The following SLC35F4 variants were observed in gnomAD, a reference collection of about 807,000 sequenced individuals.
The protein encoded by SLC35F4 is chromosome 14 open reading frame 36.
In SLC35F4, 24 loss-of-function variants were observed where a neutral mutation model predicts 44.2. The observed-to-expected ratio is 0.54, with a 90% CI of 0.39 to 0.76. The LOEUF (loss-of-function observed/expected upper bound fraction) is 0.76, where lower values mean the gene tolerates loss of function less well. SLC35F4 is among the 30% of genes least tolerant of loss of function. SLC35F4 has a pLI of 0.00. For synonymous variants in SLC35F4, 238 were observed against 223.6 expected, an observed-to-expected ratio of 1.06 and a Z score of -0.57; for missense variants, 562 against 586.1, an observed-to-expected ratio of 0.96 and a Z score of 0.42.
intron 1 of SLC35F4, among the ~76,000 whole-genome samples, chr14:57,688,515 T>C (rs994862374): frequency 6.6e-6 from 1 of 152,196 alleles, no homozygotes; most frequent in Admixed American, 6.5e-5. Context: ...ACAGGGATAA[T>C]AACAGAATAC....
intron 1 of SLC35F4, among the ~76,000 whole-genome samples, chr14:57,701,909 T>C (rs372747807): frequency 2.0e-5 from 3 of 152,090 alleles, no homozygotes; most frequent in East Asian, 3.9e-4. Flanking sequence ...ACTGTGAAAA[T>C]AGAAATTGTG....
intron 1 of SLC35F4, among the ~76,000 whole-genome samples, chr14:57,803,118 T>C (rs2078231170): frequency 6.6e-6 from 1 of 152,118 alleles, no homozygotes; most frequent in Admixed American, 6.5e-5. Flanking sequence ...GATCAAGTTG[T>C]CTTCATCCCC....
intron 1 of SLC35F4, among the ~76,000 whole-genome samples, chr14:57,615,709 A>G (rs891032284): frequency 6.6e-6 from 1 of 152,158 alleles, no homozygotes; most frequent in African/African-American, 2.4e-5. Flanking sequence ...TATGTGATAA[A>G]TTAAACTTAT....
intron 1 of SLC35F4, among the ~76,000 whole-genome samples, chr14:57,673,112 A>C (rs1404923479): frequency 6.6e-6 from 1 of 152,158 alleles, no homozygotes; most frequent in Non-Finnish European, 1.5e-5. Flanking sequence ...TGAATTACTA[A>C]ATTATATGAA....
At chr14:57,810,660 C>G (rs893164344) in intron 1 of SLC35F4, among the ~76,000 whole-genome samples, 3 of 152,178 alleles carry the variant, frequency 2.0e-5, no homozygotes, top group African/African-American at 7.2e-5. Flanking sequence ...GCTGTATAGC[C>G]CCTTCTTTGA....
At chr14:57,932,112 C>A (rs912677098) in intron 1 of SLC35F4, among the ~76,000 whole-genome samples, 2 of 152,150 alleles carry the variant, frequency 1.3e-5, no homozygotes, top group African/African-American at 2.4e-5. Flanking sequence ...CTTATAATAC[C>A]TTCCCCCAGT....
At chr14:57,881,058 T>C (rs570978007) in intron 1 of SLC35F4, among the ~76,000 whole-genome samples, 4 of 152,290 alleles carry the variant, frequency 2.6e-5, no homozygotes, top group African/African-American at 9.6e-5. Context: ...ATTATTCTCA[T>C]GATATCCCTG....
chr14:57,694,167 G>A (rs1045463719), intron 1 of SLC35F4, among the ~76,000 whole-genome samples: 9 of 152,132 alleles, frequency 5.9e-5, no homozygotes, highest in Non-Finnish European at 1.3e-4. Flanking sequence ...ATACCCTCTT[G>A]AAATCCTACC....
At chr14:57,685,005 T>C (rs561143534) in intron 1 of SLC35F4, among the ~76,000 whole-genome samples, 1 of 152,316 alleles carries the variant, frequency 6.6e-6, no homozygotes, top group Admixed American at 6.5e-5. Flanking sequence ...ATCAGAATAC[T>C]GGGAAAAGTC....
intron 1 of SLC35F4, among the ~76,000 whole-genome samples, chr14:57,687,948 T>C (rs1370570327): frequency 6.6e-6 from 1 of 152,222 alleles, no homozygotes; most frequent in Non-Finnish European, 1.5e-5. Flanking sequence ...AGATGAATTG[T>C]CACACTGCAA....
intron 1 of SLC35F4, among the ~76,000 whole-genome samples, chr14:57,844,377 G>A (rs558981518): frequency 1.2e-4 from 18 of 152,298 alleles, no homozygotes; most frequent in African/African-American, 3.4e-4. Context: ...CAATGGGGTC[G>A]ATGTTGAAGC....
intron 1 of SLC35F4, among the ~76,000 whole-genome samples, chr14:57,796,017 A>G (rs2078046355): frequency 6.6e-6 from 1 of 152,240 alleles, no homozygotes; most frequent in East Asian, 1.9e-4. Context: ...CTCAATGTTT[A>G]GCTCCCACTT....
At chr14:57,863,681 G>C (rs1003577025) in intron 1 of SLC35F4, among the ~76,000 whole-genome samples, 6 of 152,126 alleles carry the variant, frequency 3.9e-5, no homozygotes, top group African/African-American at 1.4e-4. Context: ...ATGGTGCTCG[G>C]TTCCCTGGCC....
At chr14:57,955,595 C>T (rs1291712927) in intron 1 of SLC35F4, among the ~76,000 whole-genome samples, 1 of 152,218 alleles carries the variant, frequency 6.6e-6, no homozygotes, top group Non-Finnish European at 1.5e-5. Context: ...AGCAAAGTCT[C>T]AGGATACAAA....
At chr14:57,653,451 G>A (rs2073858362) in intron 1 of SLC35F4, among the ~76,000 whole-genome samples, 1 of 152,334 alleles carries the variant, frequency 6.6e-6, no homozygotes, top group African/African-American at 2.4e-5. Context: ...TTACACCAGA[G>A]ATTAATGTGG....
intron 1 of SLC35F4, among the ~76,000 whole-genome samples, chr14:57,897,808 C>A (rs192244953): frequency 1.3e-5 from 2 of 152,196 alleles, no homozygotes; most frequent in East Asian, 3.9e-4. Flanking sequence ...AATGTAGCCC[C>A]CACAAATGGT....
At chr14:57,943,510 A>G (rs1227215542) in intron 1 of SLC35F4, among the ~76,000 whole-genome samples, 1 of 152,144 alleles carries the variant, frequency 6.6e-6, no homozygotes, top group African/African-American at 2.4e-5. Flanking sequence ...TCTCTCATAT[A>G]GTTAATAGTC....
At chr14:57,813,786 G>A (rs1882247232) in intron 1 of SLC35F4, among the ~76,000 whole-genome samples, 1 of 152,128 alleles carries the variant, frequency 6.6e-6, no homozygotes, top group South Asian at 2.1e-4. Context: ...GTTGGTTGTG[G>A]TGGGAATCAC....
chr14:57,894,662 AT>A (rs1485828603), intron 1 of SLC35F4, among the ~76,000 whole-genome samples: 2 of 152,166 alleles, frequency 1.3e-5, no homozygotes, highest in Non-Finnish European at 2.9e-5. Context: ...GTATTGCAGA[AT>A]TTTTATAAAA....
Sources: allele counts gnomAD v4.1 joint callset (sites outside exome capture counted in the v4.1 genomes callset), GRCh38; gene constraint gnomAD v4.1.1; transcripts MANE v1.5; gene names NCBI Gene and HGNC (gene_info 2026-07-23, HGNC 2026-07-21).